Variants in BCL2L13 observed in about 807,000 individuals in gnomAD.
BCL2L13 encodes BCL2 like 13, also known as bcl-2-like protein 13.
A neutral mutation model predicts 25.8 loss-of-function variants in BCL2L13; 13 were observed. That is an observed-to-expected ratio of 0.50 (90% CI 0.33 to 0.80). BCL2L13 has a LOEUF of 0.80. Among genes scored for constraint, BCL2L13 ranks in the 30% least tolerant of loss-of-function variants. BCL2L13 has a pLI of 0.02. For missense variants in BCL2L13, 504 were observed against 574.9 expected (o/e 0.88, Z 1.26); for synonymous variants, 244 against 230.3 (o/e 1.06, Z -0.54).
intron 2 of BCL2L13, among the ~76,000 whole-genome samples, chr22:17,657,982 C>T (rs552322288): frequency 2.9e-4 from 44 of 151,346 alleles, no homozygotes; most frequent in South Asian, 1.1e-3. Context: ...GCCACCAGCC[C>T]GGCTAATTTT....
At chr22:17,703,168 T>TACACACACAC (rs1160059436) in intron 6 of BCL2L13, 2 of 135,152 alleles carry the variant, frequency 1.5e-5, no homozygotes, top group Admixed American at 1.4e-4. Context: ...ACAAAATATA[T>TACACACACAC]ATATACACAC....
intron 1 of BCL2L13, among the ~76,000 whole-genome samples, chr22:17,643,235 T>C (rs1418342429): frequency 6.6e-6 from 1 of 152,112 alleles, no homozygotes; most frequent in East Asian, 1.9e-4. Context: ...ATGATACTTG[T>C]CCAGTTGCAT....
At chr22:17,689,226 T>C in intron 4 of BCL2L13, 84 bp downstream of exon 4, 1 of 1,227,606 alleles carries the variant, frequency 8.1e-7, no homozygotes. Flanking sequence ...AGGGCTGTGT[T>C]TTAGGTGAAC....
chr22:17,640,225 C>G (rs1366018529), intron 1 of BCL2L13, among the ~76,000 whole-genome samples: 1 of 152,178 alleles, frequency 6.6e-6, no homozygotes, highest in Non-Finnish European at 1.5e-5. Context: ...CTCTCTCCCC[C>G]AAGTGAAGTA....
At chr22:17,703,795 T>C (rs1330978127) in intron 6 of BCL2L13, 1 of 152,252 alleles carries the variant, frequency 6.6e-6, no homozygotes, top group Non-Finnish European at 1.5e-5. Flanking sequence ...TTGTTATTGT[T>C]GTCTTCCTAC....
chr22:17,694,423 A>G (rs1372470015), intron 4 of BCL2L13, among the ~76,000 whole-genome samples: 1 of 152,108 alleles, frequency 6.6e-6, no homozygotes, highest in Non-Finnish European at 1.5e-5. Context: ...CTGTAATCCC[A>G]GCTAGCACTG....
intron 6 of BCL2L13, among the ~76,000 whole-genome samples, chr22:17,705,519 G>T (rs542211324): frequency 4.0e-5 from 6 of 151,708 alleles, no homozygotes; most frequent in African/African-American, 1.4e-4. Context: ...GGATGGTCTC[G>T]ATCTCCTGAC....
intron 2 of BCL2L13, among the ~76,000 whole-genome samples, chr22:17,670,435 C>T (rs906096597): frequency 2.1e-5 from 3 of 143,970 alleles, no homozygotes; most frequent in Non-Finnish European, 3.0e-5. Context: ...AGTGCAATGG[C>T]GTGATCTTGG....
intron 2 of BCL2L13, among the ~76,000 whole-genome samples, chr22:17,680,615 C>G (rs771895923): frequency 2.7e-5 from 4 of 149,132 alleles, no homozygotes; most frequent in Admixed American, 6.7e-5. Context: ...CCAGCTGGCT[C>G]TCCGAGGGGA....
rs768488873 is a variant in BCL2L13, at chr22:17,646,955, A to ATATATTTTT, written c.-51+8070_-51+8071insATATTTTTT. On this transcript the variant is annotated intron_variant, in intron 1 of 6. Transcript: ENST00000317582. ...TACATATATATATATATATATATAT[A>ATATATTTTT]TTTTTTTTTTTTTTTTTTTTTTTTC... 3.4e-3 allele frequency among the ~76,000 whole-genome samples: 75 copies of ATATATTTTT among 22,190 alleles called. 1 individual carries two copies. The highest frequency in any genetic ancestry group is 5.5e-3 in the East Asian group (1 of 182). The allele number at this position is 22,190 out of a possible 152,430, so 14.6% of individuals were successfully genotyped here. A position where few individuals can be genotyped will look rare whatever the true frequency, so the allele number is the denominator to read the frequency against.
At chr22:17,638,533 C>T (rs2058151471), upstream of BCL2L13, 1 of 537,846 alleles carries the variant, frequency 1.9e-6, no homozygotes, top group African/African-American at 2.0e-5. Flanking sequence ...CGGTCAGAAT[C>T]CCAACCCCTC....
chr22:17,670,457 C>CTCTG (rs1035688469), intron 2 of BCL2L13, among the ~76,000 whole-genome samples: 4 of 150,666 alleles, frequency 2.7e-5, no homozygotes, highest in Non-Finnish European at 5.9e-5. Flanking sequence ...TCACCGCAAC[C>CTCTG]TCTGCCTCCC....
Position 17,714,407 on chromosome 22 carries a change from G to A in BCL2L13, c.600+12021G>A, listed in dbSNP as rs1380341319. On this transcript the variant is annotated intron_variant, in intron 6 of 6. Coordinates refer to ENST00000317582, the MANE Select transcript of BCL2L13 (RefSeq NM_015367.4). ...GCGGAGGTTGCAGCGAGCCAAGATG[G>A]TGCAACTGCACTCCAGCCTGGGTGA... Among the ~76,000 whole-genome samples, 3 of 152,170 alleles carry A rather than the reference G, an allele frequency of 2.0e-5. No homozygotes were observed. The East Asian group carries it at 5.8e-4, about 29-fold the overall frequency.
intron 6 of BCL2L13, among the ~76,000 whole-genome samples, chr22:17,721,466 T>A (rs534349974): frequency 6.6e-6 from 1 of 151,502 alleles, no homozygotes; most frequent in African/African-American, 2.4e-5. Flanking sequence ...GTTAAAAAAA[T>A]ACATTCTTTT....
intron 2 of BCL2L13, among the ~76,000 whole-genome samples, chr22:17,669,431 CAT>C (rs1451933634): frequency 6.6e-6 from 1 of 152,114 alleles, no homozygotes; most frequent in Non-Finnish European, 1.5e-5. Flanking sequence ...AGGGGAAGCT[CAT>C]GTGTGCAGAG....
intron 1 of BCL2L13, among the ~76,000 whole-genome samples, chr22:17,651,302 AGTCT>A (rs1410345580): frequency 1.3e-5 from 2 of 151,896 alleles, no homozygotes; most frequent in Non-Finnish European, 2.9e-5. Flanking sequence ...TGGGCCATTC[AGTCT>A]TCTTAGGTAA....
At chr22:17,649,949 C>T (rs2058625880) in intron 1 of BCL2L13, among the ~76,000 whole-genome samples, 2 of 145,780 alleles carry the variant, frequency 1.4e-5, no homozygotes, top group Admixed American at 1.4e-4. Flanking sequence ...TGGCCCACTG[C>T]AGCCTCCGCC....
chr22:17,652,855 G>A (rs1470610195), intron 1 of BCL2L13, among the ~76,000 whole-genome samples: 1 of 152,162 alleles, frequency 6.6e-6, no homozygotes, highest in Non-Finnish European at 1.5e-5. Flanking sequence ...ACGAGGTCAG[G>A]AGATCGAGAC....
At chr22:17,638,681 G>A, upstream of BCL2L13, 1 of 1,231,714 alleles carries the variant, frequency 8.1e-7, no homozygotes, top group Non-Finnish European at 1.0e-6. Flanking sequence ...TTCCGCTCCG[G>A]ATACCGTTCC....
Sources: gnomAD v4.1 joint callset for allele counts (sites outside exome capture counted in the v4.1 genomes callset) on GRCh38, gnomAD v4.1.1 for gene constraint, MANE v1.5 for transcripts, NCBI Gene and HGNC (gene_info 2026-07-23, HGNC 2026-07-21) for gene names.